UNC5D: variants seen among roughly 807,000 people sequenced by gnomAD.
UNC5D encodes the protein netrin receptor UNC5D.
UNC5D carries 39 observed loss-of-function variants against 105.4 expected under a neutral mutation model. The observed-to-expected ratio is 0.37, with a 90% CI of 0.29 to 0.48. The LOEUF is 0.48. Ranked by LOEUF, UNC5D falls within the 20% of genes least tolerant of loss-of-function variation. UNC5D has a pLI of 0.98. For missense variants in UNC5D, 991 were observed against 1,202.4 expected (o/e 0.82, Z 2.60); for synonymous variants, 452 against 450.4 (o/e 1.00, Z -0.04).
At chr8:35,617,251 A>G (rs1821085881) in intron 4 of UNC5D, among the ~76,000 whole-genome samples, 1 of 152,210 alleles carries the variant, frequency 6.6e-6, no homozygotes, top group African/African-American at 2.4e-5. Flanking sequence ...TTAGGAAGAA[A>G]TGCCACCTTC....
intron 3 of UNC5D, among the ~76,000 whole-genome samples, chr8:35,577,174 G>A (rs1474941007): frequency 1.3e-5 from 2 of 152,074 alleles, no homozygotes; most frequent in Non-Finnish European, 2.9e-5. Context: ...TAAAATCAAG[G>A]ACATTTTCTG....
intron 1 of UNC5D, among the ~76,000 whole-genome samples, chr8:35,276,605 A>T (rs981014923): frequency 6.6e-6 from 1 of 152,170 alleles, no homozygotes; most frequent in Non-Finnish European, 1.5e-5. Flanking sequence ...TTCCACATTC[A>T]CTAAGCAATT....
At chr8:35,355,191 A>G (rs1489271239) in intron 1 of UNC5D, among the ~76,000 whole-genome samples, 1 of 152,114 alleles carries the variant, frequency 6.6e-6, no homozygotes. Context: ...GACCAATTCA[A>G]TTTTAATTTG....
chr8:35,248,869 TA>T (rs1458020412), intron 1 of UNC5D, among the ~76,000 whole-genome samples: 4 of 95,030 alleles, frequency 4.2e-5, no homozygotes, highest in African/African-American at 8.7e-5. Context: ...TATAATAATA[TA>T]AAAATATATA....
intron 2 of UNC5D, among the ~76,000 whole-genome samples, chr8:35,556,230 T>G (rs1178724850): frequency 6.6e-6 from 1 of 152,142 alleles, no homozygotes; most frequent in East Asian, 1.9e-4. Context: ...ATGAGACAAG[T>G]GTATGGTGAA....
At chr8:35,331,292 G>A (rs577380410) in intron 1 of UNC5D, among the ~76,000 whole-genome samples, 1 of 152,270 alleles carries the variant, frequency 6.6e-6, no homozygotes, top group East Asian at 1.9e-4. Context: ...TCATGAGTAT[G>A]GTAGCCGCCT....
chr8:35,361,683 C>T (rs1801861666), intron 1 of UNC5D, among the ~76,000 whole-genome samples: 1 of 152,118 alleles, frequency 6.6e-6, no homozygotes, highest in Admixed American at 6.5e-5. Flanking sequence ...TTCTCAGAAT[C>T]ACTTATGCAG....
chr8:35,433,995 CTA>C (rs1280184588), intron 1 of UNC5D, among the ~76,000 whole-genome samples: 1 of 152,004 alleles, frequency 6.6e-6, no homozygotes. Context: ...GCAATGTATT[CTA>C]TGATTCTCAC....
intron 3 of UNC5D, among the ~76,000 whole-genome samples, chr8:35,574,458 CAATTGTGCCAAG>C (rs1817958035): frequency 6.6e-6 from 1 of 152,078 alleles, no homozygotes; most frequent in Admixed American, 6.5e-5. Context: ...AATAGCTATG[CAATTGTGCCAAG>C]AAGGAGTAAA....
rs528746044 is a variant in UNC5D, at chr8:35,402,596, T to C, written c.104-146696T>C. On this transcript the variant is annotated intron_variant, in intron 1 of 16. Coordinates refer to ENST00000404895, the MANE Select transcript of UNC5D (RefSeq NM_080872.4). ...TGAAATGTCCACATAATCCATGTTCTCATGACACACTGGGAGACTGGTTTT... is the reference window on the plus strand; with the variant it reads ...TGAAATGTCCACATAATCCATGTTCCCATGACACACTGGGAGACTGGTTTT... Among the ~76,000 whole-genome samples the C allele has an allele frequency of 4.5e-4, 68 of 152,274 alleles. 1 individual carries two copies. Among genetic ancestry groups the C allele is most frequent in the African/African-American group, 1.5e-3 (62 of 41,560 alleles).
intron 9 of UNC5D, among the ~76,000 whole-genome samples, chr8:35,723,688 A>T (rs545021899): frequency 6.6e-6 from 1 of 152,198 alleles, no homozygotes; most frequent in Non-Finnish European, 1.5e-5. Flanking sequence ...TATAGGAATG[A>T]GCTACTGGGT....
At chr8:35,642,213 G>A (rs1310690538) in intron 4 of UNC5D, among the ~76,000 whole-genome samples, 1 of 152,090 alleles carries the variant, frequency 6.6e-6, no homozygotes, top group Non-Finnish European at 1.5e-5. Flanking sequence ...ATTAACTGGG[G>A]TGCTGCTGCC....
At chr8:35,568,556 G>A (rs549473135) in intron 3 of UNC5D, among the ~76,000 whole-genome samples, 15 of 152,292 alleles carry the variant, frequency 9.8e-5, no homozygotes, top group African/African-American at 3.6e-4. Context: ...AGGTGTGGTG[G>A]TGTGCGTCTG....
chr8:35,604,604 G>T (rs1177306021), intron 4 of UNC5D, among the ~76,000 whole-genome samples: 1 of 152,164 alleles, frequency 6.6e-6, no homozygotes, highest in Admixed American at 6.5e-5. Flanking sequence ...TTGCTAGATT[G>T]GGGATGTTCT....
chr8:35,540,194 T>TG (rs907246797), intron 1 of UNC5D, among the ~76,000 whole-genome samples: 1 of 152,210 alleles, frequency 6.6e-6, no homozygotes, highest in Non-Finnish European at 1.5e-5. Context: ...TATCCATTGT[T>TG]GGGGGAGGAA....
chr8:35,333,248 GA>G (rs1016018810), intron 1 of UNC5D, among the ~76,000 whole-genome samples: 4 of 152,102 alleles, frequency 2.6e-5, no homozygotes, highest in African/African-American at 9.7e-5. Flanking sequence ...TTGAGTCCAA[GA>G]GTTGGAGGCT....
chr8:35,646,311 T>C (rs1480856643), intron 4 of UNC5D, among the ~76,000 whole-genome samples: 1 of 152,222 alleles, frequency 6.6e-6, no homozygotes, highest in East Asian at 1.9e-4. Context: ...AGTGCTGAGA[T>C]GGCAGAAATT....
chr8:35,722,174 A>G (rs1828615072), intron 8 of UNC5D, 36 bp from the exon 9 acceptor site: 2 of 1,602,844 alleles, frequency 1.2e-6, no homozygotes, highest in Non-Finnish European at 8.5e-7. Flanking sequence ...CTTTGTGCCC[A>G]TGCTGGTCAC....
At chr8:35,399,408 C>A (rs1322830951) in intron 1 of UNC5D, among the ~76,000 whole-genome samples, 2 of 151,744 alleles carry the variant, frequency 1.3e-5, no homozygotes. Flanking sequence ...TAAAATTTAC[C>A]CCAACTGCTA....
Sources: allele counts gnomAD v4.1 joint callset (sites outside exome capture counted in the v4.1 genomes callset), GRCh38; gene constraint gnomAD v4.1.1; transcripts MANE v1.5; gene names NCBI Gene and HGNC (gene_info 2026-07-23, HGNC 2026-07-21).